ZNF385D: variants seen among roughly 807,000 people sequenced by gnomAD.
ZNF385D encodes the protein zinc finger protein 659.
In ZNF385D, 15 loss-of-function variants were observed where a neutral mutation model predicts 35.8. The observed-to-expected ratio is 0.42, with a 90% confidence interval of 0.28 to 0.64. The LOEUF is 0.64. Ranked by LOEUF, ZNF385D falls within the 30% of genes least tolerant of loss-of-function variation. The pLI is 0.23. For missense variants in ZNF385D, 474 were observed against 494.6 expected (o/e 0.96, Z 0.39); for synonymous variants, 212 against 186.8 (o/e 1.13, Z -1.10).
At chr3:21,904,742 T>G (rs1419045499) in intron 3 of ZNF385D, among the ~76,000 whole-genome samples, 1 of 152,146 alleles carries the variant, frequency 6.6e-6, no homozygotes, top group African/African-American at 2.4e-5. Context: ...TGATGCTAGA[T>G]TTAGGGAGAA....
intron 3 of ZNF385D, among the ~76,000 whole-genome samples, chr3:22,142,809 GCTT>G (rs1410741227): frequency 6.6e-6 from 1 of 151,954 alleles, no homozygotes; most frequent in Non-Finnish European, 1.5e-5. Flanking sequence ...TAAGGACACA[GCTT>G]CTCTCAAAAC....
At chr3:21,885,201 T>G (rs1290589914) in intron 3 of ZNF385D, among the ~76,000 whole-genome samples, 1 of 152,046 alleles carries the variant, frequency 6.6e-6, no homozygotes, top group Non-Finnish European at 1.5e-5. Context: ...GAAAATTTCT[T>G]TCAATATTCT....
chr3:21,725,980 C>A (rs531303313), intron 1 of ZNF385D, among the ~76,000 whole-genome samples: 4 of 152,094 alleles, frequency 2.6e-5, no homozygotes, highest in Non-Finnish European at 5.9e-5. Flanking sequence ...TTATCCACTA[C>A]GATCAAGTCG....
chr3:22,264,073 G>A (rs1700770283), intron 2 of ZNF385D, among the ~76,000 whole-genome samples: 4 of 152,098 alleles, frequency 2.6e-5, no homozygotes, highest in Non-Finnish European at 2.9e-5. Flanking sequence ...ATGGAATGGA[G>A]TGAGGAAGGT....
At chr3:22,352,360 T>G (rs1455789369) in intron 2 of ZNF385D, among the ~76,000 whole-genome samples, 2 of 152,322 alleles carry the variant, frequency 1.3e-5, no homozygotes, top group East Asian at 3.9e-4. Flanking sequence ...TTAGGCAGTT[T>G]AGATCCATTT....
At chr3:21,512,991 A>G (rs561589676) in intron 3 of ZNF385D, among the ~76,000 whole-genome samples, 1 of 152,282 alleles carries the variant, frequency 6.6e-6, no homozygotes, top group African/African-American at 2.4e-5. Context: ...AATAGATAAT[A>G]TATATTAAAA....
At chr3:22,123,173 T>C (rs182424049) in intron 3 of ZNF385D, among the ~76,000 whole-genome samples, 166 of 151,230 alleles carry the variant, frequency 1.1e-3, no homozygotes, top group African/African-American at 4.0e-3. Flanking sequence ...TGAGACAGGA[T>C]GGAAGAGAAG....
chr3:22,271,344 T>C (rs1701166838), intron 2 of ZNF385D, among the ~76,000 whole-genome samples: 1 of 151,922 alleles, frequency 6.6e-6, no homozygotes, highest in African/African-American at 2.4e-5. Flanking sequence ...TCTGCAAAAG[T>C]TTTCTATACA....
At chr3:21,515,517 A>G (rs1320558486) in intron 3 of ZNF385D, among the ~76,000 whole-genome samples, 1 of 152,198 alleles carries the variant, frequency 6.6e-6, no homozygotes, top group Non-Finnish European at 1.5e-5. Context: ...AAACTTTATC[A>G]CACTGATGGA....
chr3:22,323,369 TAGTA>T (rs1694534591), intron 2 of ZNF385D, among the ~76,000 whole-genome samples: 1 of 152,058 alleles, frequency 6.6e-6, no homozygotes, highest in South Asian at 2.1e-4. Context: ...AAGTTCATGA[TAGTA>T]AGTAAGTAGA....
intron 4 of ZNF385D, among the ~76,000 whole-genome samples, chr3:21,466,363 A>C (rs1309393320): frequency 5.3e-5 from 8 of 152,328 alleles, no homozygotes; most frequent in Admixed American, 2.6e-4. Flanking sequence ...CCTTGAAAAG[A>C]ATAACAAACT....
chr3:22,012,463 C>T (rs1696637794), intron 3 of ZNF385D, among the ~76,000 whole-genome samples: 1 of 152,268 alleles, frequency 6.6e-6, no homozygotes, highest in East Asian at 1.9e-4. Context: ...CTCCCTCCCT[C>T]TGTAACTCCC....
chr3:22,112,170 A>G (rs552436332), intron 3 of ZNF385D, among the ~76,000 whole-genome samples: 6 of 152,284 alleles, frequency 3.9e-5, no homozygotes, highest in African/African-American at 1.4e-4. Context: ...AACTGTTAAG[A>G]CTATTGTTTA....
chr3:21,852,450 T>C lies in ZNF385D; in HGVS notation c.326-187422A>G, dbSNP rs368434985. On this transcript the variant is annotated intron_variant, in intron 3 of 5. Transcript: ENST00000494108. ...GCATTCATTTAAAAACTGTCACCTCTAGACCTGTGGCTTTATTGATTTTAC... is the reference window on the plus strand; with the variant it reads ...GCATTCATTTAAAAACTGTCACCTCCAGACCTGTGGCTTTATTGATTTTAC... Among the ~76,000 whole-genome samples the C allele has an allele frequency of 3.9e-5, 6 of 151,942 alleles. No individual in the cohort carries two copies. The East Asian group carries it at 9.7e-4, about 25-fold the overall frequency.
chr3:22,256,407 T>C (rs1700320392), intron 2 of ZNF385D, among the ~76,000 whole-genome samples: 1 of 151,770 alleles, frequency 6.6e-6, no homozygotes, highest in Non-Finnish European at 1.5e-5. Context: ...GGCTTCTGAT[T>C]ATCATATTTA....
chr3:21,828,717 T>A (rs962928309), intron 3 of ZNF385D, among the ~76,000 whole-genome samples: 1 of 152,224 alleles, frequency 6.6e-6, no homozygotes, highest in Non-Finnish European at 1.5e-5. Flanking sequence ...ACAATGCAAA[T>A]TTTTTATCTT....
chr3:21,930,559 CTT>C (rs112945742), intron 3 of ZNF385D, among the ~76,000 whole-genome samples: 121 of 152,010 alleles, frequency 8.0e-4, no homozygotes, highest in African/African-American at 2.8e-3. Flanking sequence ...AATAAGAGAA[CTT>C]ATATTTATCA....
At chr3:21,608,466 C>T (rs73819318) in intron 2 of ZNF385D, among the ~76,000 whole-genome samples, 4,124 of 152,130 alleles carry the variant, frequency 0.027, 192 homozygotes, top group African/African-American at 0.095. Context: ...ATTTAGATTA[C>T]CTGTGTTTAA....
chr3:22,108,783 T>G (rs974157657), intron 3 of ZNF385D, among the ~76,000 whole-genome samples: 1 of 152,038 alleles, frequency 6.6e-6, no homozygotes, highest in Non-Finnish European at 1.5e-5. Context: ...GAGGCTGAGA[T>G]GGGTGGATCA....
Sources: gnomAD v4.1 joint callset for allele counts (sites outside exome capture counted in the v4.1 genomes callset) on GRCh38, gnomAD v4.1.1 for gene constraint, MANE v1.5 for transcripts, NCBI Gene and HGNC (gene_info 2026-07-23, HGNC 2026-07-21) for gene names.